The following CSMD1 variants were observed in gnomAD, a reference collection of about 807,000 sequenced individuals.
The protein encoded by CSMD1 is CUB and Sushi multiple domains 1.
CSMD1 carries 213 observed loss-of-function variants against 417.5 expected under a neutral mutation model. That is an observed-to-expected ratio of 0.51 (90% CI 0.46 to 0.57). The LOEUF (loss-of-function observed/expected upper bound fraction) is 0.57, where lower values mean the gene tolerates loss of function less well. Among genes scored for constraint, CSMD1 ranks in the 20% least tolerant of loss-of-function variants. The pLI, the probability that CSMD1 is intolerant of heterozygous loss-of-function variation, is 0.00. For synonymous variants in CSMD1, 2,862 were observed against 1,736.8 expected (o/e 1.65, Z -16.11); for missense variants, 6,923 against 4,529.7 (o/e 1.53, Z -15.17).
intron 3 of CSMD1, among the ~76,000 whole-genome samples, chr8:4,287,595 G>A (rs562652779): frequency 7.9e-5 from 12 of 151,966 alleles, no homozygotes; most frequent in Admixed American, 3.9e-4. Flanking sequence ...ACCTTCCAGG[G>A]ACCAGGTTAA....
At chr8:4,091,210 C>T (rs774433005) in intron 3 of CSMD1, among the ~76,000 whole-genome samples, 2 of 152,060 alleles carry the variant, frequency 1.3e-5, no homozygotes, top group East Asian at 3.9e-4. Flanking sequence ...TGAACCACCA[C>T]GCCCTGCCAA....
chr8:4,007,668 C>G (rs549404567), intron 4 of CSMD1, among the ~76,000 whole-genome samples: 1 of 150,640 alleles, frequency 6.6e-6, no homozygotes, highest in African/African-American at 2.4e-5. Flanking sequence ...TAGAAGTATT[C>G]TTTCTTCCTC....
At chr8:3,283,725 TAG>T (rs1269527210) in intron 26 of CSMD1, among the ~76,000 whole-genome samples, 1 of 152,172 alleles carries the variant, frequency 6.6e-6, no homozygotes, top group Non-Finnish European at 1.5e-5. Flanking sequence ...AATGAAGACA[TAG>T]ACACACAGGG....
At chr8:3,003,306 T>C (rs1049796542) in intron 52 of CSMD1, among the ~76,000 whole-genome samples, 5 of 152,356 alleles carry the variant, frequency 3.3e-5, no homozygotes, top group African/African-American at 1.2e-4. Context: ...AGTATTATTC[T>C]ATATGCTTTG....
chr8:4,024,379 A>C (rs1041507500), intron 4 of CSMD1, among the ~76,000 whole-genome samples: 13 of 152,218 alleles, frequency 8.5e-5, no homozygotes, highest in African/African-American at 3.1e-4. Flanking sequence ...GAGTATGGAT[A>C]CGCTGATGGA....
At chr8:4,549,647 G>C (rs1442377200) in intron 2 of CSMD1, among the ~76,000 whole-genome samples, 1 of 152,016 alleles carries the variant, frequency 6.6e-6, no homozygotes, top group Non-Finnish European at 1.5e-5. Flanking sequence ...CCAGCACCTT[G>C]GGAGGCTGAG....
chr8:4,829,895 A>T (rs976360052), intron 1 of CSMD1, among the ~76,000 whole-genome samples: 1 of 152,190 alleles, frequency 6.6e-6, no homozygotes, highest in Non-Finnish European at 1.5e-5. Context: ...ATGAGTCCTT[A>T]TAGGTAATGC....
intron 1 of CSMD1, among the ~76,000 whole-genome samples, chr8:4,694,585 G>A (rs1466917977): frequency 6.6e-6 from 1 of 151,822 alleles, no homozygotes; most frequent in Admixed American, 6.6e-5. Context: ...GGATCGTCTT[G>A]ATCTCCTGAC....
In CSMD1 at chr8:3,662,676, C is replaced by A. The variant is rs201150044; in HGVS notation, c.1009+45738G>T. On this transcript the variant is annotated intron_variant, in intron 7 of 69. Transcript: ENST00000635120. The stretch of plus-strand genomic sequence containing the variant: ...ATGCAGCCATGAAGAACAATCAGTT[C>A]ATGTCCTTTGCAGGGACATGGATGA... Among the ~76,000 whole-genome samples the A allele has an allele frequency of 4.6e-4, 70 of 152,242 alleles. 1 individual carries two copies. In the East Asian group the frequency reaches 0.013, roughly 29 times the overall value.
chr8:4,005,153 G>A (rs1275938574), intron 4 of CSMD1, among the ~76,000 whole-genome samples: 4 of 152,098 alleles, frequency 2.6e-5, no homozygotes, highest in Admixed American at 6.6e-5. Context: ...GTGGGAGTGG[G>A]GAAAGGGGAT....
chr8:4,324,914 A>T (rs959383194), intron 3 of CSMD1, among the ~76,000 whole-genome samples: 1 of 152,126 alleles, frequency 6.6e-6, no homozygotes, highest in Non-Finnish European at 1.5e-5. Flanking sequence ...AGTTGATTCT[A>T]GGTATGGGGC....
At chr8:4,712,762 C>G (rs941900835) in intron 1 of CSMD1, among the ~76,000 whole-genome samples, 2 of 150,792 alleles carry the variant, frequency 1.3e-5, no homozygotes, top group Non-Finnish European at 2.9e-5. Flanking sequence ...TTTCCTCCTT[C>G]TTTCTTTTGG....
chr8:3,599,125 CTGTG>C (rs143211609), intron 8 of CSMD1, among the ~76,000 whole-genome samples: 20 of 144,594 alleles, frequency 1.4e-4, no homozygotes, highest in South Asian at 1.3e-3. Context: ...TTGCTTACTG[CTGTG>C]TGTGTGTGTG....
At chr8:4,610,377 A>G (rs1460453407) in intron 2 of CSMD1, among the ~76,000 whole-genome samples, 1 of 152,194 alleles carries the variant, frequency 6.6e-6, no homozygotes, top group Non-Finnish European at 1.5e-5. Context: ...TAATCTTTCT[A>G]ATGACACCAT....
chr8:3,231,916 CT>C (rs1312122376), intron 26 of CSMD1, among the ~76,000 whole-genome samples: 1 of 152,216 alleles, frequency 6.6e-6, no homozygotes, highest in Non-Finnish European at 1.5e-5. Context: ...GCTAACTTGT[CT>C]TTCTCCTTGC....
At chr8:4,907,752 G>C (rs185275055) in intron 1 of CSMD1, among the ~76,000 whole-genome samples, 36 of 150,794 alleles carry the variant, frequency 2.4e-4, no homozygotes, top group Non-Finnish European at 4.0e-4. Context: ...TTTTTGTAGA[G>C]ATGGGGTCTT....
At chr8:4,092,477 T>C (rs1356976216) in intron 3 of CSMD1, among the ~76,000 whole-genome samples, 6 of 152,188 alleles carry the variant, frequency 3.9e-5, no homozygotes, top group Non-Finnish European at 8.8e-5. Context: ...GGTAAAATGA[T>C]AATTAAGCAT....
chr8:3,975,059 T>C (rs1461251008), intron 5 of CSMD1, among the ~76,000 whole-genome samples: 3 of 152,316 alleles, frequency 2.0e-5, no homozygotes, highest in African/African-American at 7.2e-5. Flanking sequence ...CTAATATACA[T>C]CTGTACACTG....
At chr8:4,477,144 C>A (rs139851643) in intron 2 of CSMD1, among the ~76,000 whole-genome samples, 1 of 152,194 alleles carries the variant, frequency 6.6e-6, no homozygotes, top group Non-Finnish European at 1.5e-5. Flanking sequence ...ATCCAGTGGG[C>A]ATTCTGTGAC....
Sources: allele counts gnomAD v4.1 joint callset (sites outside exome capture counted in the v4.1 genomes callset), GRCh38; gene constraint gnomAD v4.1.1; transcripts MANE v1.5; gene names NCBI Gene and HGNC (gene_info 2026-07-23, HGNC 2026-07-21).